The following STK3 variants were observed in gnomAD, a reference collection of about 807,000 sequenced individuals.
STK3 encodes the protein serine/threonine kinase 3, also known as serine/threonine-protein kinase 3.
A neutral mutation model predicts 58.0 loss-of-function variants in STK3; 41 were observed. The ratio of observed to expected loss-of-function variants is 0.71; its 90% confidence interval spans 0.55 to 0.92. STK3 has a LOEUF of 0.92. Among genes scored for constraint, STK3 ranks in the 40% least tolerant of loss-of-function variants. The probability of loss-of-function intolerance (pLI) is 0.00; values close to 1 mark genes in which losing one functional copy is unlikely to be tolerated. For missense variants in STK3, 479 were observed against 602.7 expected, an observed-to-expected ratio of 0.79 and a Z score of 2.15; for synonymous variants, 170 against 191.0, an observed-to-expected ratio of 0.89 and a Z score of 0.91.
chr8:98,534,145 T>C (rs939341551), intron 9 of STK3, among the ~76,000 whole-genome samples: 1 of 152,306 alleles, frequency 6.6e-6, no homozygotes, highest in African/African-American at 2.4e-5. Flanking sequence ...AGAATATACA[T>C]GTATTAGTGG....
intron 8 of STK3, among the ~76,000 whole-genome samples, chr8:98,570,960 C>T (rs1812912069): frequency 6.6e-6 from 1 of 152,186 alleles, no homozygotes; most frequent in Admixed American, 6.5e-5. Context: ...CAAGTAAGTA[C>T]ATTACAGGCT....
At chr8:98,571,752 C>A (rs959431915) in intron 8 of STK3, among the ~76,000 whole-genome samples, 2 of 152,140 alleles carry the variant, frequency 1.3e-5, no homozygotes, top group Non-Finnish European at 2.9e-5. Context: ...CTGATACATG[C>A]ATAAAAGTGA....
chr8:98,569,843 T>C (rs1049548187), intron 8 of STK3, among the ~76,000 whole-genome samples: 1 of 151,294 alleles, frequency 6.6e-6, no homozygotes, highest in Non-Finnish European at 1.5e-5. Context: ...AAATAAAATT[T>C]ACTTTTTACC....
chr8:98,522,542 AT>A (rs969415530), intron 10 of STK3, among the ~76,000 whole-genome samples: 3 of 152,076 alleles, frequency 2.0e-5, no homozygotes, highest in African/African-American at 4.8e-5. Context: ...TCTCTTATGC[AT>A]TTTTTATGCA....
chr8:98,775,904 T>A (rs1831645178), intron 1 of STK3, among the ~76,000 whole-genome samples: 2 of 152,200 alleles, frequency 1.3e-5, no homozygotes, highest in African/African-American at 2.4e-5. Flanking sequence ...TATATCATGA[T>A]GAACTGAAAA....
At chr8:98,589,517 C>T (rs1377657718) in intron 7 of STK3, among the ~76,000 whole-genome samples, 1 of 152,354 alleles carries the variant, frequency 6.6e-6, no homozygotes, top group African/African-American at 2.4e-5. Flanking sequence ...CAGACAGGGA[C>T]ATTTAAGTCT....
chr8:98,627,593 C>G (rs187233470), intron 6 of STK3, among the ~76,000 whole-genome samples: 2 of 152,190 alleles, frequency 1.3e-5, no homozygotes, highest in African/African-American at 4.8e-5. Flanking sequence ...CTCATGCCCC[C>G]ACTGCCTCAG....
At chr8:98,928,625 A>C (rs1839894475) in intron 1 of STK3, among the ~76,000 whole-genome samples, 1 of 152,218 alleles carries the variant, frequency 6.6e-6, no homozygotes, top group South Asian at 2.1e-4. Context: ...AATACAAGCG[A>C]AACTCTTAGA....
At chr8:98,412,822 C>G (rs961044740) in intron 3 of STK3, 4 of 167,908 alleles carry the variant, frequency 2.4e-5, no homozygotes, top group Admixed American at 6.4e-5. Context: ...CAGGCTCTCT[C>G]TCTTATAGAA....
chr8:98,394,902 C>A (rs531233053), intron 3 of STK3, among the ~76,000 whole-genome samples: 1 of 152,172 alleles, frequency 6.6e-6, no homozygotes, highest in South Asian at 2.1e-4. Flanking sequence ...GGAGTCAATG[C>A]GGCAGTGAGC....
intron 3 of STK3, among the ~76,000 whole-genome samples, chr8:98,419,506 A>G (rs1228336501): frequency 6.6e-6 from 1 of 152,216 alleles, no homozygotes; most frequent in African/African-American, 2.4e-5. Context: ...ATTCTGAGAA[A>G]AGGAAAACAA....
chr8:98,399,721 T>A (rs1563592581), downstream of STK3, among the ~76,000 whole-genome samples: 1 of 152,184 alleles, frequency 6.6e-6, no homozygotes, highest in Non-Finnish European at 1.5e-5. Context: ...GAATTGCCGA[T>A]CTACTGCCCT....
chr8:98,694,137 T>C (rs1371673806), intron 6 of STK3, among the ~76,000 whole-genome samples: 1 of 152,184 alleles, frequency 6.6e-6, no homozygotes, highest in African/African-American at 2.4e-5. Flanking sequence ...GTTGCATCTA[T>C]TTAAATGCTA....
At chr8:98,933,731 C>T (rs1465060946) in intron 1 of STK3, among the ~76,000 whole-genome samples, 1 of 152,138 alleles carries the variant, frequency 6.6e-6, no homozygotes, top group Non-Finnish European at 1.5e-5. Flanking sequence ...AAACTTGCCC[C>T]AAGCCAAGCA....
At chr8:98,552,313 G>C (rs184322342) in intron 8 of STK3, among the ~76,000 whole-genome samples, 2 of 152,154 alleles carry the variant, frequency 1.3e-5, no homozygotes, top group East Asian at 3.9e-4. Flanking sequence ...GAAGACAAAT[G>C]ACATGTTACT....
At chr8:98,673,080 T>A (rs1057365478) in intron 6 of STK3, among the ~76,000 whole-genome samples, 2 of 152,234 alleles carry the variant, frequency 1.3e-5, no homozygotes, top group Non-Finnish European at 2.9e-5. Flanking sequence ...TGGTATTACA[T>A]ATTTTGGTTA....
intron 8 of STK3, among the ~76,000 whole-genome samples, chr8:98,574,954 T>A (rs1481548696): frequency 1.3e-5 from 2 of 152,122 alleles, no homozygotes; most frequent in Non-Finnish European, 2.9e-5. Flanking sequence ...CCTTTTTTTT[T>A]AAACAGAACT....
At chr8:98,646,782 T>C (rs1365575842) in intron 6 of STK3, among the ~76,000 whole-genome samples, 5 of 152,154 alleles carry the variant, frequency 3.3e-5, no homozygotes, top group African/African-American at 1.2e-4. Context: ...TCTGTGGGTT[T>C]TTGTTTCAAA....
At chr8:98,754,347 G>A (rs977862524) in intron 3 of STK3, among the ~76,000 whole-genome samples, 1 of 152,088 alleles carries the variant, frequency 6.6e-6, no homozygotes, top group African/African-American at 2.4e-5. Context: ...ACCTGGCTGT[G>A]CATGAGAGCC....
Sources: allele counts gnomAD v4.1 joint callset (sites outside exome capture counted in the v4.1 genomes callset), GRCh38; gene constraint gnomAD v4.1.1; transcripts MANE v1.5; gene names NCBI Gene and HGNC (gene_info 2026-07-23, HGNC 2026-07-21).